RCN2: variants seen among roughly 807,000 people sequenced by gnomAD.
RCN2 encodes reticulocalbin-2.
Under a neutral mutation model 37.5 loss-of-function variants are expected in RCN2, and 23 were observed. The observed-to-expected ratio is 0.61, with a 90% CI of 0.44 to 0.87. The LOEUF is 0.87. Ranked by LOEUF, RCN2 falls within the 40% of genes least tolerant of loss-of-function variation. The pLI, the probability that RCN2 is intolerant of heterozygous loss-of-function variation, is 0.00. For missense variants in RCN2, 381 were observed against 390.4 expected, an observed-to-expected ratio of 0.98 and a Z score of 0.20; for synonymous variants, 140 against 144.6, an observed-to-expected ratio of 0.97 and a Z score of 0.23.
rs77800863 is a variant in RCN2 at position 76,932,794 on chromosome 15, G to A, written c.250+328G>A. 2.6e-3 allele frequency among the ~76,000 whole-genome samples: 393 copies of A among 152,294 alleles called. 2 individuals carry two copies. The highest frequency in any genetic ancestry group is 9.1e-3 in the African/African-American group (377 of 41,560). On this transcript the variant is annotated intron_variant, in intron 2 of 6. Coordinates refer to ENST00000394885, the MANE Select transcript of RCN2 (RefSeq NM_002902.3). Reference sequence around the variant, plus strand: ...AAATATGCCCCAAAACTTTAAGGCAGTAAATGATTTATCGCTCTTTTGATA... The same window carrying A: ...AAATATGCCCCAAAACTTTAAGGCAATAAATGATTTATCGCTCTTTTGATA...
At chr15:76,939,316 T>C (rs1568459935) in intron 3 of RCN2, among the ~76,000 whole-genome samples, 5 of 151,904 alleles carry the variant, frequency 3.3e-5, no homozygotes, top group Non-Finnish European at 1.5e-5. Flanking sequence ...TGGATAAATA[T>C]TAATAAATGG....
chr15:76,936,338 C>T (rs1470237783), intron 3 of RCN2, among the ~76,000 whole-genome samples: 1 of 151,970 alleles, frequency 6.6e-6, no homozygotes, highest in Non-Finnish European at 1.5e-5. Context: ...ACCTTTTTGG[C>T]ACCAGGGACC....
chr15:76,943,741 A>G lies in RCN2; in HGVS notation c.448-17A>G, dbSNP rs186289825. 28 of 1,423,750 alleles carry G rather than the reference A, an allele frequency of 2.0e-5. 1 individual carries two copies. In the African/African-American group the frequency reaches 3.5e-4, roughly 18 times the overall value. The allele number at this position is 1,423,750 out of a possible 1,614,324, so 88.2% of individuals were successfully genotyped here. A position where few individuals can be genotyped will look rare whatever the true frequency, so the allele number is the denominator to read the frequency against. ...AAAATGATGTGGTATACTAATGAGA[A>G]ATTTTAATTTTCAAAGCTTCACTTA... On this transcript the variant is annotated splice_polypyrimidine_tract_variant and intron_variant, in intron 3 of 6. Coordinates refer to ENST00000394885, the MANE Select transcript of RCN2 (RefSeq NM_002902.3).
At chr15:76,947,372 C>G in intron 4 of RCN2, 49 bp from the exon 5 acceptor site, 1 of 1,195,434 alleles carries the variant, frequency 8.4e-7, no homozygotes. Context: ...GGCAGTGGGA[C>G]TGAACATTTT....
chr15:76,938,573 A>G (rs2075262740), intron 3 of RCN2, among the ~76,000 whole-genome samples: 1 of 152,206 alleles, frequency 6.6e-6, no homozygotes, highest in Non-Finnish European at 1.5e-5. Context: ...TTCATCTTGG[A>G]AAGCTGAAAC....
intron 3 of RCN2, among the ~76,000 whole-genome samples, chr15:76,936,118 G>A (rs2075246410): frequency 6.6e-6 from 1 of 151,044 alleles, no homozygotes; most frequent in African/African-American, 2.4e-5. Flanking sequence ...AAAAACTGCG[G>A]TTTCCACATC....
chr15:76,943,972 G>T (rs2075285633), intron 4 of RCN2, 101 bp downstream of exon 4: 4 of 400,586 alleles, frequency 1.0e-5, no homozygotes, highest in African/African-American at 4.3e-5. Context: ...TATGTTTATG[G>T]GATACATGAG....
chr15:76,948,920 C>T (rs1268882651), intron 6 of RCN2, 150 bp from the exon 7 acceptor site: 4 of 724,658 alleles, frequency 5.5e-6, no homozygotes, highest in South Asian at 2.0e-5. Context: ...AGTAGACGGA[C>T]CTGGTTACAA....
chr15:76,937,398 T>C (rs931752241), intron 3 of RCN2, among the ~76,000 whole-genome samples: 3 of 151,864 alleles, frequency 2.0e-5, no homozygotes, highest in African/African-American at 4.8e-5. Context: ...GTACACCCTT[T>C]AAAATTACTC....
At position 76,935,582 on chromosome 15, in the gene RCN2, AAAC is replaced by A; in HGVS notation, c.312_314del (p.Gln105del). Reference sequence around the variant, plus strand: ...TAAGCATTATGCTATGCAAGAAGCAAAACAACAGTTTGTTGAATATGATAAAAA... The same window carrying A: ...TAAGCATTATGCTATGCAAGAAGCAAAACAGTTTGTTGAATATGATAAAAA... On this transcript the variant is annotated inframe_deletion, in exon 3 of 7. Transcript: ENST00000394885. 6.2e-7 allele frequency: 1 copy of A among 1,613,894 alleles called. No individual in the cohort carries two copies. The highest frequency in any genetic ancestry group is 8.5e-7 in the Non-Finnish European group (1 of 1,179,830).
intron 2 of RCN2, among the ~76,000 whole-genome samples, chr15:76,935,133 G>T (rs1346720765): frequency 6.6e-6 from 1 of 152,160 alleles, no homozygotes; most frequent in Non-Finnish European, 1.5e-5. Context: ...GACCAGCCTG[G>T]CCAACATGGT....
At chr15:76,944,575 C>G (rs1009806565) in intron 4 of RCN2, among the ~76,000 whole-genome samples, 39 of 152,048 alleles carry the variant, frequency 2.6e-4, no homozygotes, top group Non-Finnish European at 4.4e-5. Context: ...TCCATGAGTT[C>G]AATTGTTTTG....
chr15:76,950,906 G>T lies in RCN2; in HGVS notation c.*1684G>T, dbSNP rs1352599835. Reference sequence around the variant, plus strand: ...CCGCATCTTTGCTGATGTGAGGTGTGCTTGCAAATTGTAAGCTTCCACACC... The same window carrying T: ...CCGCATCTTTGCTGATGTGAGGTGTTCTTGCAAATTGTAAGCTTCCACACC... On this transcript the variant is annotated 3_prime_UTR_variant, in exon 7 of 7. Transcript: ENST00000394885. The T allele has an allele frequency of 6.6e-6, 1 of 152,306 alleles. No homozygotes were observed. The highest frequency in any genetic ancestry group is 1.9e-4 in the East Asian group (1 of 5,190). 9.4% of individuals were successfully genotyped at this position (152,306 alleles called of 1,614,324 possible).
At position 76,945,957 on chromosome 15, in the gene RCN2, A is replaced by G. The variant is rs542226648; in HGVS notation, c.562-1464A>G. ...TGAGCCCAAGAATGACAGGCAAAGG[A>G]TGCTAGATCTTGATTCTCTGGAGAA... is the stretch of plus-strand genomic sequence containing the variant. On this transcript the variant is annotated intron_variant, in intron 4 of 6. Transcript: ENST00000394885. 3.3e-5 allele frequency among the ~76,000 whole-genome samples: 5 copies of G among 152,348 alleles called. No individual in the cohort carries two copies. In the South Asian group the frequency reaches 1.0e-3, roughly 32 times the overall value.
rs1015560262 is a variant in RCN2, at chr15:76,950,427, G to T, written c.*1205G>T. ...TTTTTGTGACAGAGTCTTGCTCTGT[G>T]GCCCAGGCTGGAGTGCAGGGGCACT... On this transcript the variant is annotated 3_prime_UTR_variant, in exon 7 of 7. Coordinates refer to ENST00000394885, the MANE Select transcript of RCN2 (RefSeq NM_002902.3). 3 of 138,126 alleles carry T rather than the reference G, an allele frequency of 2.2e-5. No individual in the cohort carries two copies. Among genetic ancestry groups the T allele is most frequent in the East Asian group, 2.1e-4 (1 of 4,816 alleles). The allele number at this position is 138,126 out of a possible 1,614,324, so 8.6% of individuals were successfully genotyped here. A position where few individuals can be genotyped will look rare whatever the true frequency, so the allele number is the denominator to read the frequency against.
In RCN2 at chr15:76,949,395, A is replaced by G. The variant is rs138335347; in HGVS notation, c.*173A>G. ...TTTAGGAAAAAAAAACAAAAATCTG[A>G]TATTTATTTCAAAATGTATTGAAGC... On this transcript the variant is annotated 3_prime_UTR_variant, in exon 7 of 7. Transcript: ENST00000394885. 1,148 of 461,820 alleles carry G rather than the reference A, an allele frequency of 2.5e-3. 8 individuals carry two copies. The highest frequency in any genetic ancestry group is 0.021 in the African/African-American group (1,059 of 49,800). 28.6% of individuals were successfully genotyped at this position (461,820 alleles called of 1,614,324 possible).
chr15:76,935,753 G>T (rs2075244634), intron 3 of RCN2, 31 bp downstream of exon 3: 5 of 1,549,418 alleles, frequency 3.2e-6, no homozygotes, highest in South Asian at 1.2e-5. Flanking sequence ...TGTTTCTTTT[G>T]ATCATGTCAG....
chr15:76,953,571 A>G lies in RCN2; in HGVS notation c.*4349A>G, dbSNP rs1291775432. ...ATAGTAATTCTATATATATATATAT[A>G]TATATATATATATATATATATATTT... On this transcript the variant is annotated 3_prime_UTR_variant, in exon 7 of 7. Transcript: ENST00000394885. The G allele has an allele frequency of 6.8e-5, 1 of 14,660 alleles. No homozygotes were observed. Among genetic ancestry groups the G allele is most frequent in the African/African-American group, 3.3e-4 (1 of 3,060 alleles). The allele number at this position is 14,660 out of a possible 1,614,324, so 0.9% of individuals were successfully genotyped here.
At position 76,935,693 on chromosome 15, in the gene RCN2, G is replaced by T. The variant is rs1393408839; in HGVS notation, c.418G>T (p.Asp140Tyr). 1 of 1,613,680 alleles carries T rather than the reference G, an allele frequency of 6.2e-7. No homozygotes were observed. Among genetic ancestry groups the T allele is most frequent in the Non-Finnish European group, 8.5e-7 (1 of 1,179,882 alleles). The change falls in exon 3 of 7, where the codon GAT becomes TAT. Residue 140 changes from aspartate (D) to tyrosine (Y), a missense_variant. Transcript: ENST00000394885. ...VIDFDENTALDDAEEESFRKL... is the reference protein window; with the variant it reads ...VIDFDENTALYDAEEESFRKL... The stretch of plus-strand genomic sequence containing the variant: ...TGACTTTGATGAGAACACTGCTCTG[G>T]ATGATGCAGAAGAGGAGTCCTTTAG...
Sources: allele counts gnomAD v4.1 joint callset (sites outside exome capture counted in the v4.1 genomes callset), GRCh38; gene constraint gnomAD v4.1.1; transcripts MANE v1.5; gene names NCBI Gene and HGNC (gene_info 2026-07-23, HGNC 2026-07-21).